The following ZNF503 variants were observed in gnomAD, a reference collection of about 807,000 sequenced individuals.
The protein encoded by ZNF503 is zinc finger protein 503.
A neutral mutation model predicts 34.4 loss-of-function variants in ZNF503; 15 were observed. The ratio of observed to expected loss-of-function variants is 0.44; its 90% CI spans 0.29 to 0.67. ZNF503 has a LOEUF of 0.67. ZNF503 is among the 30% of genes least tolerant of loss of function. ZNF503 has a pLI of 0.13. For synonymous variants in ZNF503, 580 were observed against 456.8 expected (o/e 1.27, Z -3.44); for missense variants, 1,007 against 926.8 (o/e 1.09, Z -1.12).
the ZNF503 span, among the ~76,000 whole-genome samples, chr10:75,306,992 TATTAGGCCAATTCAA>T: frequency 6.6e-6 from 1 of 152,024 alleles, no homozygotes; most frequent in Admixed American, 6.6e-5. Flanking sequence ...CCAATTTCAA[TATTAGGCCAATTCAA>T]ATTAGGCCAA....
chr10:75,379,229 G>C, the ZNF503 span, among the ~76,000 whole-genome samples: 1 of 152,184 alleles, frequency 6.6e-6, no homozygotes, highest in Non-Finnish European at 1.5e-5. Context: ...CTGGCGCGGA[G>C]TGAAATGCAT....
At chr10:75,287,487 A>G in the ZNF503 span, among the ~76,000 whole-genome samples, 3 of 151,596 alleles carry the variant, frequency 2.0e-5, no homozygotes, top group African/African-American at 7.3e-5. Context: ...CCTGGAGCCC[A>G]CCCTCTACTC....
chr10:75,341,214 CTTTT>C, the ZNF503 span, among the ~76,000 whole-genome samples: 1 of 152,124 alleles, frequency 6.6e-6, no homozygotes, highest in African/African-American at 2.4e-5. Flanking sequence ...TTCAGAAACT[CTTTT>C]AAAGTTGTAA....
At chr10:75,333,687 A>AC in the ZNF503 span, among the ~76,000 whole-genome samples, 1 of 9,332 alleles carries the variant, frequency 1.1e-4, no homozygotes, top group Non-Finnish European at 1.8e-4. Flanking sequence ...CGGGGGGCTG[A>AC]CCCCCCCACC....
chr10:75,313,466 C>T, the ZNF503 span, among the ~76,000 whole-genome samples: 2 of 152,168 alleles, frequency 1.3e-5, no homozygotes, highest in Admixed American at 6.5e-5. Flanking sequence ...CATTTGGTTC[C>T]CACAGCCATG....
chr10:75,296,361 C>G, the ZNF503 span: 1 of 152,410 alleles, frequency 6.6e-6, no homozygotes, highest in Non-Finnish European at 1.5e-5. Context: ...GGCTTCTGAG[C>G]CATTGGCCCC....
the ZNF503 span, among the ~76,000 whole-genome samples, chr10:75,297,023 A>ATC: frequency 6.6e-6 from 1 of 152,130 alleles, no homozygotes; most frequent in Non-Finnish European, 1.5e-5. Flanking sequence ...CTCCAGCCTT[A>ATC]TCTCTCACTT....
downstream of ZNF503, among the ~76,000 whole-genome samples, chr10:75,396,185 C>T (rs891642148): frequency 2.6e-5 from 4 of 152,200 alleles, no homozygotes; most frequent in African/African-American, 9.6e-5. The surrounding 1 kb of genome is among the most constrained non-coding windows in gnomAD (Gnocchi z 4.4). Flanking sequence ...GGGCGACAAG[C>T]CCGCCGGCCA....
At chr10:75,371,383 T>C in the ZNF503 span, among the ~76,000 whole-genome samples, 3 of 152,190 alleles carry the variant, frequency 2.0e-5, no homozygotes, top group Non-Finnish European at 2.9e-5. Context: ...AAATCTGTCA[T>C]GGTTTGGCAA....
At chr10:75,355,094 C>G in the ZNF503 span, among the ~76,000 whole-genome samples, 3 of 152,208 alleles carry the variant, frequency 2.0e-5, no homozygotes, top group African/African-American at 7.2e-5. Flanking sequence ...ATTTGCCCGC[C>G]TTGGCCCCCC....
chr10:75,341,962 C>T, the ZNF503 span, among the ~76,000 whole-genome samples: 1 of 152,104 alleles, frequency 6.6e-6, no homozygotes, highest in African/African-American at 2.4e-5. Context: ...AACATTTTCC[C>T]TTGGCTTATT....
chr10:75,352,327 C>T, the ZNF503 span, among the ~76,000 whole-genome samples: 1 of 152,226 alleles, frequency 6.6e-6, no homozygotes, highest in Non-Finnish European at 1.5e-5. Context: ...CTGATAGGAG[C>T]AATAGTTCCT....
the ZNF503 span, among the ~76,000 whole-genome samples, chr10:75,299,715 A>G: frequency 1.3e-5 from 2 of 152,194 alleles, no homozygotes; most frequent in African/African-American, 4.8e-5. Context: ...AAAGCTGGGC[A>G]TCTGGGGGAG....
downstream of ZNF503, among the ~76,000 whole-genome samples, chr10:75,394,504 G>C (rs991346822): frequency 2.6e-5 from 4 of 152,230 alleles, no homozygotes; most frequent in Non-Finnish European, 4.4e-5. Context: ...CAACTTTTAC[G>C]AGTCTTCTGT....
At chr10:75,319,639 A>G in the ZNF503 span, among the ~76,000 whole-genome samples, 4 of 152,240 alleles carry the variant, frequency 2.6e-5, no homozygotes, top group South Asian at 2.1e-4. Context: ...AGTCCTAAAC[A>G]TATCAATAAT....
the ZNF503 span, among the ~76,000 whole-genome samples, chr10:75,352,749 A>G: frequency 2.6e-5 from 4 of 152,242 alleles, no homozygotes; most frequent in Non-Finnish European, 5.9e-5. Flanking sequence ...TAATAACTCA[A>G]GGTCCTCTAA....
chr10:75,400,366 G>A lies in ZNF503; in HGVS notation c.324C>T (p.Ala108=), dbSNP rs1381751356. ...CCAACAGCGCCAGCGGGCTCTTCTT[G>A]GCATCGAGCTGCGGGGTCAGACGAT... ...STPVSPIELD[A]KKSPLALLAQ... The change falls in exon 2 of 2, where the codon GCC becomes GCT. Residue 108 remains alanine, a synonymous_variant. Coordinates refer to ENST00000372524, the MANE Select transcript of ZNF503 (RefSeq NM_032772.6). 2 of 1,607,252 alleles carry A rather than the reference G, an allele frequency of 1.2e-6. No individual in the cohort carries two copies. Among genetic ancestry groups the A allele is most frequent in the African/African-American group, 2.7e-5 (2 of 74,350 alleles).
the ZNF503 span, among the ~76,000 whole-genome samples, chr10:75,284,358 G>A: frequency 2.0e-5 from 3 of 150,928 alleles, no homozygotes; most frequent in African/African-American, 7.4e-5. Context: ...AGGCCCAGAA[G>A]AGGGAGCAGC....
chr10:75,304,691 A>G, the ZNF503 span, among the ~76,000 whole-genome samples: 1 of 152,242 alleles, frequency 6.6e-6, no homozygotes, highest in South Asian at 2.1e-4. Flanking sequence ...TATGTTAACT[A>G]GATAAATGTT....
Sources: allele counts gnomAD v4.1 joint callset (sites outside exome capture counted in the v4.1 genomes callset), GRCh38; gene constraint gnomAD v4.1.1; non-coding constraint Gnocchi (gnomAD v3.1); transcripts MANE v1.5; gene names NCBI Gene and HGNC (gene_info 2026-07-23, HGNC 2026-07-21).